EIF2AK4: variants seen among roughly 807,000 people sequenced by gnomAD.
EIF2AK4 encodes the protein eukaryotic translation initiation factor 2 alpha kinase 4, also known as eIF-2-alpha kinase GCN2.
In EIF2AK4, 139 loss-of-function variants were observed where a neutral mutation model predicts 211.1. The observed-to-expected ratio is 0.66, with a 90% CI of 0.57 to 0.76. EIF2AK4 has a LOEUF of 0.76. Among genes scored for constraint, EIF2AK4 ranks in the 30% least tolerant of loss-of-function variants. The pLI, the probability that EIF2AK4 is intolerant of heterozygous loss-of-function variation, is 0.00. For synonymous variants in EIF2AK4, 710 were observed against 751.3 expected, an observed-to-expected ratio of 0.94 and a Z score of 0.90; for missense variants, 1,664 against 2,043.8, an observed-to-expected ratio of 0.81 and a Z score of 3.58.
In EIF2AK4 at chr15:39,996,973, C is replaced by G. The variant is rs1458419800; in HGVS notation, c.2776C>G (p.Leu926Val). 6.2e-7 allele frequency: 1 copy of G among 1,612,128 alleles called. No homozygotes were observed. Among genetic ancestry groups the G allele is most frequent in the Non-Finnish European group, 8.5e-7 (1 of 1,178,440 alleles). Reference protein sequence around the residue: ...TKSAYNQKVDLFSLGIIFFEM... With the variant: ...TKSAYNQKVDVFSLGIIFFEM... ...TATTCTTCCCCCTCAGAAAGTGGAT[C>G]TCTTCAGCCTGGGAATTATCTTCTT... The change falls in exon 19 of 39, where the codon CTC (leucine) becomes GTC (valine). Residue 926 changes from leucine (L) to valine (V), a missense_variant. Physicochemically the swap from Leu to Val is conservative, Grantham distance 32. Around this residue, in one of 7 missense-constraint regions of EIF2AK4, gnomAD observed 622 missense variants for 796.8 expected, o/e 0.78. Transcript: ENST00000263791.
chr15:39,982,238 G>T (rs1413880723), intron 13 of EIF2AK4, among the ~76,000 whole-genome samples: 1 of 152,098 alleles, frequency 6.6e-6, no homozygotes, highest in African/African-American at 2.4e-5. Flanking sequence ...CTTTTAAATT[G>T]TTTTACCTAA....
chr15:40,007,198 G>T, intron 24 of EIF2AK4, 133 bp downstream of exon 24: 1 of 834,542 alleles, frequency 1.2e-6, no homozygotes, highest in Non-Finnish European at 1.9e-6. Context: ...ATTGAGCTTA[G>T]AATATGAACC....
At chr15:40,030,491 A>G (rs2035527157) in intron 35 of EIF2AK4, 35 bp downstream of exon 35, 2 of 1,558,172 alleles carry the variant, frequency 1.3e-6, no homozygotes, top group Non-Finnish European at 1.8e-6. Flanking sequence ...GCTTTCTAAT[A>G]TGAGTTACAG....
At chr15:40,022,181 C>CATGTGTGTGTGT (rs1555422757) in intron 31 of EIF2AK4, 1 of 137,644 alleles carries the variant, frequency 7.3e-6, no homozygotes, top group Non-Finnish European at 1.5e-5. Context: ...GCTTTTTCAG[C>CATGTGTGTGTGT]GTGTGTGTGT....
chr15:40,017,551 A>ATATATATATACATG lies in EIF2AK4; in HGVS notation c.4065+312_4065+313insATATATACATGTAT, dbSNP rs71132134. Among the ~76,000 whole-genome samples the ATATATATATACATG allele has an allele frequency of 1.0e-4, 9 of 87,092 alleles. 1 individual carries two copies. The highest frequency in any genetic ancestry group is 3.6e-4 in the African/African-American group (8 of 22,388). The allele number at this position is 87,092 out of a possible 152,430, so 57.1% of individuals were successfully genotyped here. A position where few individuals can be genotyped will look rare whatever the true frequency, so the allele number is the denominator to read the frequency against. ...TATATATATATATATATATATATAT[A>ATATATATATACATG]TATGTATTTTGGAGACAGGGCCTTG... On this transcript the variant is annotated intron_variant, in intron 29 of 38. Transcript: ENST00000263791.
chr15:39,998,851 T>G lies in EIF2AK4; in HGVS notation c.2922+67T>G, dbSNP rs541703883. 11 of 1,332,144 alleles carry G rather than the reference T, an allele frequency of 8.3e-6. No homozygotes were observed. The East Asian group carries it at 2.6e-4, about 32-fold the overall frequency. 82.5% of individuals were successfully genotyped at this position (1,332,144 alleles called of 1,614,324 possible). ...ATTTTAATTATTATTTTTCTTCTTT[T>G]TCAATTAGTAATCTTCTGCCACTCA... is the stretch of plus-strand genomic sequence containing the variant. On this transcript the variant is annotated intron_variant, in intron 20 of 38. Transcript: ENST00000263791.
At chr15:39,948,715 A>G (rs1232016661) in intron 3 of EIF2AK4, among the ~76,000 whole-genome samples, 1 of 152,086 alleles carries the variant, frequency 6.6e-6, no homozygotes, top group African/African-American at 2.4e-5. Context: ...TCTCTGCCCA[A>G]CTCTCATTAT....
At chr15:39,999,614 G>C (rs1173448350) in intron 20 of EIF2AK4, among the ~76,000 whole-genome samples, 4 of 152,104 alleles carry the variant, frequency 2.6e-5, no homozygotes, top group Non-Finnish European at 5.9e-5. Flanking sequence ...AAAATAAAAA[G>C]ATTAAGTACT....
At chr15:40,005,607 T>C (rs1197460027) in intron 23 of EIF2AK4, among the ~76,000 whole-genome samples, 1 of 151,508 alleles carries the variant, frequency 6.6e-6, no homozygotes, top group Non-Finnish European at 1.5e-5. Flanking sequence ...AGTCTCACTC[T>C]GTCTCTCAGG....
chr15:40,030,286 C>A, intron 34 of EIF2AK4, 73 bp from the exon 35 acceptor site: 2 of 1,420,992 alleles, frequency 1.4e-6, no homozygotes, highest in Non-Finnish European at 9.8e-7. Context: ...ATAAACTCTG[C>A]CATCTCTCTG....
chr15:39,993,211 TCCATCCATCCAG>T (rs893891482), intron 18 of EIF2AK4, among the ~76,000 whole-genome samples: 3 of 151,080 alleles, frequency 2.0e-5, no homozygotes, highest in East Asian at 2.0e-4. Context: ...CGTCCATCCA[TCCATCCATCCAG>T]CCATCCATCC....
At chr15:39,947,246 G>T (rs985771041) in intron 3 of EIF2AK4, among the ~76,000 whole-genome samples, 4 of 152,086 alleles carry the variant, frequency 2.6e-5, no homozygotes, top group African/African-American at 9.7e-5. Flanking sequence ...TTATTTTCAA[G>T]TAAAATAGAG....
chr15:39,946,974 C>A, intron 3 of EIF2AK4: 1 of 218,760 alleles, frequency 4.6e-6, no homozygotes, highest in Non-Finnish European at 8.9e-6. Flanking sequence ...CTTTTATATG[C>A]ACTGGGAAAC....
At chr15:40,029,187 T>G in intron 33 of EIF2AK4, 1 of 394,174 alleles carries the variant, frequency 2.5e-6, no homozygotes, top group Non-Finnish European at 3.5e-6. Context: ...TCCTTAGGCA[T>G]TTGTTAACTT....
In EIF2AK4 at chr15:39,969,247, G is replaced by A. The variant is rs75785034; in HGVS notation, c.1553+1368G>A. Among the ~76,000 whole-genome samples the A allele has an allele frequency of 4.5e-3, 687 of 151,592 alleles. 6 individuals are homozygous for A. Among genetic ancestry groups the A allele is most frequent in the African/African-American group, 0.016 (658 of 41,290 alleles). On this transcript the variant is annotated intron_variant, in intron 9 of 38. Transcript: ENST00000263791. The stretch of plus-strand genomic sequence containing the variant: ...TAAGTAGAAGTACCTTTCCTTTCCC[G>A]TTTAGTAGCAAAATGAATGGGCTCG...
Position 39,949,214 on chromosome 15 carries a change from G to GT in EIF2AK4, c.459_460insT (p.Ala154CysfsTer21). 6.2e-7 allele frequency: 1 copy of GT among 1,614,112 alleles called. No homozygotes were observed. The highest frequency in any genetic ancestry group is 1.1e-5 in the South Asian group (1 of 91,080). On this transcript the variant is annotated frameshift_variant, in exon 4 of 39. Coordinates refer to ENST00000263791, the MANE Select transcript of EIF2AK4 (RefSeq NM_001013703.4). LOFTEE classifies it high-confidence loss of function. ...TTCATGAAGAAATGCTGGAAAGGCG[G>GT]GCTCAGGAGGAGCAGCAGAGGCTGT...
chr15:39,992,503 G>A (rs2034957435), intron 17 of EIF2AK4: 1 of 551,290 alleles, frequency 1.8e-6, no homozygotes, highest in Admixed American at 3.2e-5. Context: ...GTAATGTGAG[G>A]TTACCTCATG....
rs748280701 is a variant in EIF2AK4 at position 40,011,276 on chromosome 15, G to A, written c.3694-5G>A. 38 of 1,613,400 alleles carry A rather than the reference G, an allele frequency of 2.4e-5. No individual in the cohort carries two copies. The highest frequency in any genetic ancestry group is 1.2e-4 in the Admixed American group (7 of 59,944). On this transcript the variant is annotated splice_polypyrimidine_tract_variant and splice_region_variant and intron_variant, in intron 26 of 38. Coordinates refer to ENST00000263791, the MANE Select transcript of EIF2AK4 (RefSeq NM_001013703.4). ...TCTCATTGTTACCTTTTTCTTCCAC[G>A]TTAGACAGAGAAGCTGACGAGGAGA...
intron 29 of EIF2AK4, 22 bp downstream of exon 29, chr15:40,017,264 A>AT (rs761800987): frequency 4.2e-5 from 67 of 1,584,598 alleles, no homozygotes; most frequent in Non-Finnish European, 5.4e-5. Context: ...CCCTTTATTT[A>AT]TTTGCTCTGA....
Sources: gnomAD v4.1 joint callset for allele counts (sites outside exome capture counted in the v4.1 genomes callset) on GRCh38, gnomAD v4.1.1 for gene constraint, gnomAD v4.1.1 regional missense constraint, MANE v1.5 for transcripts, NCBI Gene and HGNC (gene_info 2026-07-23, HGNC 2026-07-21) for gene names.